Variants in LDB1 observed in about 807,000 individuals in gnomAD.
LDB1 encodes LIM domain-binding protein 1.
LDB1 carries 6 observed loss-of-function variants against 49.7 expected under a neutral mutation model. The observed-to-expected ratio is 0.12, with a 90% CI of 0.07 to 0.24. LDB1 has a LOEUF of 0.24. Among genes scored for constraint, LDB1 ranks in the 10% least tolerant of loss-of-function variants. LDB1 has a pLI of 1.00. For missense variants in LDB1, 341 were observed against 561.7 expected (o/e 0.61, Z 3.97); for synonymous variants, 233 against 202.0 (o/e 1.15, Z -1.30).
At position 102,111,543 on chromosome 10, in the gene LDB1, GAGAA is replaced by G. The variant is rs765317293; in HGVS notation, c.26-11_26-8del. ...AATGACTTTGAGGAACAACCTAGAC[GAGAA>G]AGAAAGGAGTCATAGCTGGGCGCGG... On this transcript the variant is annotated splice_region_variant and splice_polypyrimidine_tract_variant and intron_variant, in intron 1 of 10. Transcript: ENST00000673968. 2.7e-6 allele frequency: 4 copies of G among 1,509,070 alleles called. No individual in the cohort carries two copies. Among genetic ancestry groups the G allele is most frequent in the East Asian group, 2.3e-5 (1 of 43,938 alleles). The allele number at this position is 1,509,070 out of a possible 1,614,324, so 93.5% of individuals were successfully genotyped here.
Position 102,109,284 on chromosome 10 carries a change from C to T in LDB1, c.856+100G>A. 1 of 1,602,832 alleles carries T rather than the reference C, an allele frequency of 6.2e-7. No individual in the cohort carries two copies. Among genetic ancestry groups the T allele is most frequent in the Non-Finnish European group, 8.5e-7 (1 of 1,173,834 alleles). On this transcript the variant is annotated intron_variant, in intron 9 of 10. Transcript: ENST00000673968. The surrounding 1 kb of genome is among the most constrained non-coding windows in gnomAD (Gnocchi z 5.8). ...TGCCCTGATCCCAATTTTGTAGACC[C>T]GGGAACAAGGAAGGGGTGGGGAAAA...
Position 102,109,189 on chromosome 10 carries a change from A to G in LDB1, c.857-12T>C. 6.2e-7 allele frequency: 1 copy of G among 1,613,154 alleles called. No homozygotes were observed. The highest frequency in any genetic ancestry group is 8.5e-7 in the Non-Finnish European group (1 of 1,179,870). On this transcript the variant is annotated splice_polypyrimidine_tract_variant and intron_variant, in intron 9 of 10. Coordinates refer to ENST00000673968, the MANE Select transcript of LDB1 (RefSeq NM_001113407.3). This position sits in a 1 kb window ranked among gnomAD's most constrained non-coding sequence, Gnocchi z 5.8. ...ACGTGTGGGCTCCGCTGTGCCGGTA[A>G]ACGGAGACTCAGATGGGAGAGGGCC...
chr10:102,109,229 C>G lies in LDB1; in HGVS notation c.857-52G>C. ...GGGAGAGGGCCCCAGGTCCCCTATT[C>G]TCCATTGTGGCTCCCAAGGAGCATG... On this transcript the variant is annotated intron_variant, in intron 9 of 10. Transcript: ENST00000673968. This position sits in a 1 kb window ranked among gnomAD's most constrained non-coding sequence, Gnocchi z 5.8. 2 of 1,611,094 alleles carry G rather than the reference C, an allele frequency of 1.2e-6. No individual in the cohort carries two copies. Among genetic ancestry groups the G allele is most frequent in the Non-Finnish European group, 1.7e-6 (2 of 1,179,180 alleles).
At position 102,107,803 on chromosome 10, in the gene LDB1, C is replaced by T; in HGVS notation, c.*290G>A. 1 of 472,306 alleles carries T rather than the reference C, an allele frequency of 2.1e-6. No homozygotes were observed. The highest frequency in any genetic ancestry group is 3.8e-6 in the Non-Finnish European group (1 of 261,568). 29.3% of individuals were successfully genotyped at this position (472,306 alleles called of 1,614,324 possible). A position where few individuals can be genotyped will look rare whatever the true frequency, so the allele number is the denominator to read the frequency against. ...CCACAATCTGGGGTGAAGATGGAGG[C>T]AAATGCCCTGGGGGGTGGTCAGGAC... On this transcript the variant is annotated 3_prime_UTR_variant, in exon 11 of 11. Transcript: ENST00000673968.
Position 102,107,702 on chromosome 10 carries a change from TA to T in LDB1, c.*390del. ...GGAAGGAGCATTCAACGAAGCCCCG[TA>T]ACTTTAAGTCCCTAAGGGCTGTGGG... On this transcript the variant is annotated 3_prime_UTR_variant, in exon 11 of 11. Coordinates refer to ENST00000673968, the MANE Select transcript of LDB1 (RefSeq NM_001113407.3). 1 of 209,208 alleles carries T rather than the reference TA, an allele frequency of 4.8e-6. No homozygotes were observed. Among genetic ancestry groups the T allele is most frequent in the South Asian group, 9.7e-5 (1 of 10,266 alleles). The allele number at this position is 209,208 out of a possible 1,614,324, so 13.0% of individuals were successfully genotyped here. A position where few individuals can be genotyped will look rare whatever the true frequency, so the allele number is the denominator to read the frequency against.
At position 102,111,490 on chromosome 10, in the gene LDB1, C is replaced by A; in HGVS notation, c.72G>T (p.Pro24=). 1 of 1,556,816 alleles carries A rather than the reference C, an allele frequency of 6.4e-7. No individual in the cohort carries two copies. Among genetic ancestry groups the A allele is most frequent in the East Asian group, 2.3e-5 (1 of 44,356 alleles). ...GGAAGGGGGGAAAGGCGTTGCCGTT[C>A]GGGGGCTCCTTCGGCGAGTACAGCT... ...SFKLYSPKEP[P]NGNAFPPFHP... The change falls in exon 2 of 11, where the codon CCG becomes CCT. Residue 24 remains proline (P), a synonymous_variant. Transcript: ENST00000673968.
In LDB1 at chr10:102,120,140, C is replaced by A. The variant is rs2068397855; in HGVS notation, c.-30G>T. 2.3e-6 allele frequency: 3 copies of A among 1,311,442 alleles called. No individual in the cohort carries two copies. The highest frequency in any genetic ancestry group is 2.9e-6 in the Non-Finnish European group (3 of 1,018,594). 81.2% of individuals were successfully genotyped at this position (1,311,442 alleles called of 1,614,324 possible). A position where few individuals can be genotyped will look rare whatever the true frequency, so the allele number is the denominator to read the frequency against. ...ACATCGCCCGCCTCTGGGGGCCCAG[C>A]CGAGTCACGGTGCCCGCCCCTCGCG... On this transcript the variant is annotated 5_prime_UTR_variant, in exon 1 of 11. Coordinates refer to ENST00000673968, the MANE Select transcript of LDB1 (RefSeq NM_001113407.3).
chr10:102,114,275 C>T (rs1268219833), intron 1 of LDB1: 1 of 931,974 alleles, frequency 1.1e-6, no homozygotes, highest in Non-Finnish European at 1.3e-6. Context: ...GGACTGGCCA[C>T]AGGTCAGCAG....
intron 1 of LDB1, 134 bp downstream of exon 1, chr10:102,119,952 C>T (rs1172576172): frequency 6.8e-6 from 4 of 588,050 alleles, no homozygotes; most frequent in Admixed American, 4.1e-5. Context: ...CCTGAGGCCC[C>T]GCGTAGCCCT....
Position 102,109,759 on chromosome 10 carries a change from T to C in LDB1, c.649-76A>G, listed in dbSNP as rs1047738837. The stretch of plus-strand genomic sequence containing the variant: ...GCTCACCTGCCCTATCATCTGAGCA[T>C]TGTGACACTCCTGAGAGAGGATAGT... On this transcript the variant is annotated intron_variant, in intron 7 of 10. Transcript: ENST00000673968. This position sits in a 1 kb window ranked among gnomAD's most constrained non-coding sequence, Gnocchi z 5.8. 3.9e-6 allele frequency: 6 copies of C among 1,541,604 alleles called. No individual in the cohort carries two copies. Among genetic ancestry groups the C allele is most frequent in the African/African-American group, 1.4e-5 (1 of 73,394 alleles).
In LDB1 at chr10:102,107,892, C is replaced by A; in HGVS notation, c.*201G>T. The A allele has an allele frequency of 1.6e-6, 1 of 610,292 alleles. No individual in the cohort carries two copies. 37.8% of individuals were successfully genotyped at this position (610,292 alleles called of 1,614,324 possible). On this transcript the variant is annotated 3_prime_UTR_variant, in exon 11 of 11. Transcript: ENST00000673968. ...GAGTACCCCCTCCCCCTAAAAGGCT[C>A]TGTAGAGGCCAGGCCCAGCCCAGGG...
intron 1 of LDB1, among the ~76,000 whole-genome samples, chr10:102,112,686 G>A (rs777355470): frequency 6.6e-5 from 10 of 151,474 alleles, no homozygotes; most frequent in South Asian, 4.2e-4. Context: ...CTTGGGAGTC[G>A]GGGAAGCAGG....
intron 1 of LDB1, among the ~76,000 whole-genome samples, chr10:102,115,528 C>T (rs1019651475): frequency 2.0e-5 from 3 of 152,086 alleles, no homozygotes; most frequent in African/African-American, 7.2e-5. Context: ...GGGGGACACT[C>T]CAGGCTTCCC....
chr10:102,105,992 A>G (rs1293520769), downstream of LDB1, among the ~76,000 whole-genome samples: 2 of 151,732 alleles, frequency 1.3e-5, no homozygotes, highest in African/African-American at 4.8e-5. Flanking sequence ...AAATAAACCA[A>G]CTAACCAACC....
downstream of LDB1, among the ~76,000 whole-genome samples, chr10:102,106,131 C>T (rs911821987): frequency 5.3e-5 from 8 of 152,198 alleles, no homozygotes; most frequent in East Asian, 3.9e-4. Flanking sequence ...CCTCCCTCAA[C>T]GGCATAACCC....
At chr10:102,118,734 C>A (rs1274299440) in intron 1 of LDB1, among the ~76,000 whole-genome samples, 1 of 152,132 alleles carries the variant, frequency 6.6e-6, no homozygotes, top group Non-Finnish European at 1.5e-5. Context: ...CATGATGGAT[C>A]TGAAAGGGGT....
intron 1 of LDB1, among the ~76,000 whole-genome samples, chr10:102,114,184 T>C (rs2068297627): frequency 6.6e-6 from 1 of 152,130 alleles, no homozygotes; most frequent in Admixed American, 6.5e-5. Flanking sequence ...GGAAGCTGCA[T>C]CCCGGGGCTG....
intron 1 of LDB1, among the ~76,000 whole-genome samples, chr10:102,115,408 G>A (rs1399395314): frequency 6.6e-6 from 1 of 152,228 alleles, no homozygotes; most frequent in Non-Finnish European, 1.5e-5. Context: ...CGGACTGCCA[G>A]CCTGGGCTCC....
intron 10 of LDB1, 72 bp downstream of exon 10, chr10:102,108,957 C>T (rs1564911250): frequency 1.3e-6 from 2 of 1,593,232 alleles, no homozygotes; most frequent in East Asian, 2.2e-5. Context: ...TGCTAGTGAG[C>T]TCAGGCTTGG....
Sources: gnomAD v4.1 joint callset for allele counts (sites outside exome capture counted in the v4.1 genomes callset) on GRCh38, gnomAD v4.1.1 for gene constraint, Gnocchi (gnomAD v3.1) non-coding constraint, MANE v1.5 for transcripts, NCBI Gene and HGNC (gene_info 2026-07-23, HGNC 2026-07-21) for gene names.